Variants in TJP2 observed in about 807,000 individuals in gnomAD.
TJP2 encodes the protein Friedreich ataxia region gene X104 (tight junction protein ZO-2).
In TJP2, 91 loss-of-function variants were observed where a neutral mutation model predicts 133.1. That is an observed-to-expected ratio of 0.68 (90% CI 0.58 to 0.81). The LOEUF is 0.81. TJP2 is among the 40% of genes least tolerant of loss of function. The pLI, the probability that TJP2 is intolerant of heterozygous loss-of-function variation, is 0.00. For synonymous variants in TJP2, 592 were observed against 583.4 expected (o/e 1.01, Z -0.21); for missense variants, 1,541 against 1,565.6 (o/e 0.98, Z 0.26).
intron 1 of TJP2, among the ~76,000 whole-genome samples, chr9:69,184,582 G>A (rs1825722938): frequency 6.6e-6 from 1 of 152,130 alleles, no homozygotes; most frequent in Non-Finnish European, 1.5e-5. Context: ...AGAGAGATGG[G>A]GGATCTCTGG....
intron 17 of TJP2, among the ~76,000 whole-genome samples, chr9:69,240,440 C>T (rs150160704): frequency 6.4e-4 from 98 of 152,266 alleles, no homozygotes; most frequent in African/African-American, 2.1e-3. Flanking sequence ...TGAGCCAGGC[C>T]AAACACCTAT....
At chr9:69,248,538 G>A in intron 19 of TJP2, 2 of 1,273,282 alleles carry the variant, frequency 1.6e-6, no homozygotes, top group Non-Finnish European at 2.0e-6. Context: ...TTCCCATGCA[G>A]TATTGTTGTA....
rs536218780 is a variant in TJP2, at chr9:69,218,435, T to G, written c.342+76T>G. 2.2e-5 allele frequency: 24 copies of G among 1,071,420 alleles called. No homozygotes were observed. In the South Asian group the frequency reaches 2.5e-4, roughly 11 times the overall value. 66.4% of individuals were successfully genotyped at this position (1,071,420 alleles called of 1,614,324 possible). A position where few individuals can be genotyped will look rare whatever the true frequency, so the allele number is the denominator to read the frequency against. ...GCCCAGAAGAAAATTACCCCTTGCT[T>G]TTAAGCATTTGACAGAATTACATAA... On this transcript the variant is annotated intron_variant, in intron 4 of 22. Coordinates refer to ENST00000377245, the MANE Select transcript of TJP2 (RefSeq NM_004817.4).
rs1035838368 is a variant in TJP2 at position 69,221,176 on chromosome 9, G to T, written c.632G>T (p.Arg211Leu). 4.5e-5 allele frequency: 72 copies of T among 1,594,840 alleles called. No homozygotes were observed. The highest frequency in any genetic ancestry group is 6.2e-5 in the Non-Finnish European group (72 of 1,170,106). Residue 211 changes from arginine to leucine, a missense_variant, in exon 5 of 23, where the codon CGC (arginine) becomes CTC (leucine). Arg to Leu is a moderately radical substitution (Grantham distance 102). Transcript: ENST00000377245. Reference sequence around the variant, plus strand: ...CGGGGCCTGGACCAAGACCATGCGCGCACCCGAGACCGCAGCCGTGGCCGG... The same window carrying T: ...CGGGGCCTGGACCAAGACCATGCGCTCACCCGAGACCGCAGCCGTGGCCGG... ...LERGLDQDHA[R>L]TRDRSRGRSL...
intron 1 of TJP2, chr9:69,205,091 C>A: frequency 6.5e-7 from 1 of 1,531,046 alleles, no homozygotes; most frequent in African/African-American, 1.4e-5. Context: ...TACGTAACCA[C>A]ATGGAGTGAT....
chr9:69,197,007 C>T (rs893722881), intron 1 of TJP2, among the ~76,000 whole-genome samples: 2 of 150,400 alleles, frequency 1.3e-5, no homozygotes, highest in African/African-American at 4.9e-5. Context: ...CTCACTCTGT[C>T]GCCCAGGTTG....
rs961532244 is a variant in TJP2, at chr9:69,248,987, AAAAG to A, written c.2881-387_2881-384del. ...AGAACTACCAAAAAAAAAAAAAAAA[AAAAG>A]TTCAACAACAACAAACTGAAGGGGG... On this transcript the variant is annotated intron_variant, in intron 19 of 22. Coordinates refer to ENST00000377245, the MANE Select transcript of TJP2 (RefSeq NM_004817.4). 7.0e-6 allele frequency: 7 copies of A among 993,204 alleles called. No individual in the cohort carries two copies. In the African/African-American group the frequency reaches 1.2e-4, roughly 17 times the overall value. 61.5% of individuals were successfully genotyped at this position (993,204 alleles called of 1,614,324 possible). A position where few individuals can be genotyped will look rare whatever the true frequency, so the allele number is the denominator to read the frequency against.
At chr9:69,218,498 G>A in intron 4 of TJP2, 139 bp downstream of exon 4, 1 of 721,610 alleles carries the variant, frequency 1.4e-6, no homozygotes, top group East Asian at 2.7e-5. Context: ...AGTACTTTTG[G>A]AGGGGTGTGA....
rs1268622945 is a variant in TJP2, at chr9:69,134,443, G to A, written c.-131+12718G>A. 1.1e-4 allele frequency among the ~76,000 whole-genome samples: 16 copies of A among 152,310 alleles called. No homozygotes were observed. The East Asian group carries it at 1.7e-3, about 17-fold the overall frequency. On this transcript the variant is annotated intron_variant, in intron 1 of 5. Coordinates refer to the TJP2 transcript ENST00000423935. ...GAATGTTGATACCCTGGGCAATGTG[G>A]GGCTGTTGTCTGGAGTGTGAGTGGT...
In TJP2 at chr9:69,151,350, G is replaced by A. The variant is rs146698766; in HGVS notation, c.-130-301G>A. On this transcript the variant is annotated intron_variant, in intron 1 of 5. Coordinates refer to the TJP2 transcript ENST00000423935. ...TACAAAATTAGCCGGGCGTGGTGGC[G>A]CATGCCTGTAATCCCAGCTTTCCGG... 6.7e-3 allele frequency among the ~76,000 whole-genome samples: 1,019 copies of A among 152,046 alleles called. 10 individuals carry two copies. Among genetic ancestry groups the A allele is most frequent in the African/African-American group, 0.023 (956 of 41,484 alleles).
chr9:69,170,880 C>T (rs1824642580), upstream of TJP2, among the ~76,000 whole-genome samples: 2 of 152,218 alleles, frequency 1.3e-5, no homozygotes, highest in African/African-American at 4.8e-5. Context: ...TACATCACGT[C>T]TCTGAATGTG....
intron 14 of TJP2, among the ~76,000 whole-genome samples, chr9:69,237,496 T>C (rs1830274644): frequency 6.6e-6 from 1 of 152,088 alleles, no homozygotes; most frequent in Non-Finnish European, 1.5e-5. Flanking sequence ...TAAGACCTCA[T>C]CTCTGCAAAA....
intron 2 of TJP2, among the ~76,000 whole-genome samples, chr9:69,157,110 G>C (rs1421643029): frequency 3.3e-5 from 5 of 152,092 alleles, no homozygotes; most frequent in African/African-American, 1.2e-4. Flanking sequence ...TTAAATTTTA[G>C]GGTTCCCCGG....
rs76780859 is a variant in TJP2 at position 69,247,265 on chromosome 9, C to T, written c.2667+475C>T. On this transcript the variant is annotated intron_variant, in intron 18 of 22. Transcript: ENST00000377245. The stretch of plus-strand genomic sequence containing the variant: ...GGAGTTTGAATGGGTGATATGAGAA[C>T]GTTAGGGAATTTGTCTAGGCCTCTA... 2.9e-3 allele frequency among the ~76,000 whole-genome samples: 438 copies of T among 152,272 alleles called. 3 individuals carry two copies. Among genetic ancestry groups the T allele is most frequent in the African/African-American group, 9.8e-3 (409 of 41,554 alleles).
upstream of TJP2, chr9:69,174,209 C>T: frequency 1.4e-6 from 2 of 1,401,246 alleles, no homozygotes; most frequent in Non-Finnish European, 1.9e-6. Context: ...ACGCCGCCGC[C>T]GCCGCGGGAG....
In TJP2 at chr9:69,209,507, G is replaced by A. The variant is rs975044003; in HGVS notation, c.61-3041G>A. The stretch of plus-strand genomic sequence containing the variant: ...AGTGGCTCACACCTGTAATCCCAGC[G>A]CTTTGGGAGGCCGAGGTGGGCGGAT... On this transcript the variant is annotated intron_variant, in intron 1 of 22. Transcript: ENST00000377245. Among the ~76,000 whole-genome samples, 6 of 151,786 alleles carry A rather than the reference G, an allele frequency of 4.0e-5. No homozygotes were observed. In the East Asian group the frequency reaches 7.8e-4, roughly 20 times the overall value.
rs762341597 is a variant in TJP2, at chr9:69,238,807, C to T, written c.2355+18C>T. 1.3e-6 allele frequency: 2 copies of T among 1,588,504 alleles called. No individual in the cohort carries two copies. The highest frequency in any genetic ancestry group is 2.2e-5 in the South Asian group (2 of 90,248). On this transcript the variant is annotated intron_variant, in intron 16 of 22. Coordinates refer to ENST00000377245, the MANE Select transcript of TJP2 (RefSeq NM_004817.4). The stretch of plus-strand genomic sequence containing the variant: ...TTGAACAGGTGAGAAAATTCATCCA[C>T]AGACCGTGTTTTCAGAAAGAATTAG...
intron 12 of TJP2, among the ~76,000 whole-genome samples, chr9:69,235,647 T>C (rs1439051945): frequency 1.3e-5 from 2 of 151,998 alleles, no homozygotes; most frequent in African/African-American, 4.8e-5. Context: ...TGAGAAGGGG[T>C]CTGATTGTCA....
chr9:69,146,271 C>G (rs557767710), intron 1 of TJP2, among the ~76,000 whole-genome samples: 15 of 152,316 alleles, frequency 9.8e-5, no homozygotes, highest in African/African-American at 3.6e-4. Flanking sequence ...ACATCTCTTT[C>G]TGCAGCCCCA....
Sources: allele counts gnomAD v4.1 joint callset (sites outside exome capture counted in the v4.1 genomes callset), GRCh38; gene constraint gnomAD v4.1.1; transcripts MANE v1.5; gene names NCBI Gene and HGNC (gene_info 2026-07-23, HGNC 2026-07-21).